The following PCDH15 variants were observed in gnomAD, a reference collection of about 807,000 sequenced individuals.
PCDH15 encodes the protein protocadherin related 15, also known as protocadherin-15.
In PCDH15, 129 loss-of-function variants were observed where a neutral mutation model predicts 178.5. The ratio of observed to expected loss-of-function variants is 0.72; its 90% CI spans 0.63 to 0.84. The LOEUF is 0.84. PCDH15 is among the 40% of genes least tolerant of loss of function. The probability of loss-of-function intolerance (pLI) is 0.00; values close to 1 mark genes in which losing one functional copy is unlikely to be tolerated. For synonymous variants in PCDH15, 800 were observed against 732.0 expected (o/e 1.09, Z -1.50); for missense variants, 2,230 against 2,099.9 (o/e 1.06, Z -1.21).
At chr10:54,584,173 A>G (rs75278128) in intron 2 of PCDH15, among the ~76,000 whole-genome samples, 15,850 of 152,148 alleles carry the variant, frequency 0.1, 1,124 homozygotes, top group Non-Finnish European at 0.17. Flanking sequence ...ACTTGAGCTC[A>G]GGAATTTGAG....
intron 13 of PCDH15, among the ~76,000 whole-genome samples, chr10:54,174,879 A>G (rs1472284931): frequency 6.6e-6 from 1 of 151,862 alleles, no homozygotes; most frequent in Non-Finnish European, 1.5e-5. Flanking sequence ...CTGATAGTGT[A>G]ATCAAACTTG....
chr10:55,200,029 C>T (rs551875355), intron 1 of PCDH15, among the ~76,000 whole-genome samples: 11 of 152,026 alleles, frequency 7.2e-5, no homozygotes, highest in South Asian at 2.1e-4. Context: ...ATGTGGGGTT[C>T]GTGTCTCTAC....
intron 21 of PCDH15, among the ~76,000 whole-genome samples, chr10:53,980,089 C>T (rs955519288): frequency 4.7e-5 from 7 of 148,026 alleles, no homozygotes; most frequent in East Asian, 2.0e-4. Flanking sequence ...GGCATCGTGG[C>T]GGGCACCTGT....
intron 15 of PCDH15, among the ~76,000 whole-genome samples, chr10:54,126,578 G>A (rs1020370394): frequency 2.0e-5 from 3 of 151,894 alleles, no homozygotes; most frequent in African/African-American, 7.3e-5. Flanking sequence ...CTTTGACATG[G>A]TTAAATGTAT....
intron 25 of PCDH15, among the ~76,000 whole-genome samples, chr10:53,931,213 C>G (rs1182314398): frequency 1.3e-5 from 2 of 152,186 alleles, no homozygotes; most frequent in African/African-American, 4.8e-5. Context: ...AAACAGTGTA[C>G]TGTCTCCATC....
chr10:55,288,870 G>GATATATATATATATAT (rs143549237), intron 1 of PCDH15, among the ~76,000 whole-genome samples: 16 of 146,252 alleles, frequency 1.1e-4, no homozygotes, highest in African/African-American at 3.3e-4. Context: ...AATTCTATTA[G>GATATATATATATATAT]ATATATATAT....
At chr10:54,655,300 G>GAGAGAGAGAGAGAGAGAGAC (rs1158121522) in intron 2 of PCDH15, among the ~76,000 whole-genome samples, 4 of 111,314 alleles carry the variant, frequency 3.6e-5, no homozygotes, top group South Asian at 3.3e-4. Flanking sequence ...GAGAGAGAGA[G>GAGAGAGAGAGAGAGAGAGAC]AGACAGAGAG....
At chr10:55,024,020 T>A (rs1411706762) in intron 2 of PCDH15, among the ~76,000 whole-genome samples, 1 of 148,292 alleles carries the variant, frequency 6.7e-6, no homozygotes, top group East Asian at 2.0e-4. Flanking sequence ...TTTTTATATA[T>A]GTATATATAA....
chr10:55,579,769 T>C (rs1842568991), intron 2 of PCDH15, among the ~76,000 whole-genome samples: 1 of 152,220 alleles, frequency 6.6e-6, no homozygotes, highest in African/African-American at 2.4e-5. Flanking sequence ...TATTCATCCA[T>C]TCACTCATAG....
chr10:54,457,722 CAT>C (rs1266497569), intron 3 of PCDH15, among the ~76,000 whole-genome samples: 34 of 152,060 alleles, frequency 2.2e-4, no homozygotes, highest in Middle Eastern at 6.8e-3. Context: ...AATGATAAAT[CAT>C]AGTCATAAGC....
At chr10:54,336,224 T>C (rs959467800) in intron 6 of PCDH15, among the ~76,000 whole-genome samples, 2 of 152,116 alleles carry the variant, frequency 1.3e-5, no homozygotes, top group Non-Finnish European at 2.9e-5. Flanking sequence ...TTCAGAAAAT[T>C]TGCAGCCTGA....
chr10:54,494,390 C>A (rs943980332), intron 3 of PCDH15, among the ~76,000 whole-genome samples: 15 of 152,082 alleles, frequency 9.9e-5, no homozygotes, highest in African/African-American at 3.6e-4. Context: ...TCCAAATTCA[C>A]ATTGTTGCCT....
intron 3 of PCDH15, among the ~76,000 whole-genome samples, chr10:54,890,678 C>T (rs1229304945): frequency 6.6e-6 from 1 of 151,974 alleles, no homozygotes; most frequent in East Asian, 1.9e-4. Flanking sequence ...TAGAGTATAA[C>T]ACATCACTTG....
At chr10:54,962,368 G>C (rs1838678514) in intron 2 of PCDH15, among the ~76,000 whole-genome samples, 1 of 152,186 alleles carries the variant, frequency 6.6e-6, no homozygotes, top group South Asian at 2.1e-4. Flanking sequence ...CAGGGTGGTG[G>C]GACTGAAAGA....
chr10:54,656,953 T>G (rs1336029102), intron 2 of PCDH15, among the ~76,000 whole-genome samples: 1 of 152,164 alleles, frequency 6.6e-6, no homozygotes, highest in Non-Finnish European at 1.5e-5. Flanking sequence ...TCCAGTGGTT[T>G]TCACAACAGC....
chr10:55,234,877 TTTA>T (rs1180892055), intron 1 of PCDH15, among the ~76,000 whole-genome samples: 1 of 151,304 alleles, frequency 6.6e-6, no homozygotes, highest in East Asian at 1.9e-4. Flanking sequence ...ATATATTATT[TTTA>T]TTATCACAGC....
chr10:54,043,163 A>G (rs1214524757), intron 18 of PCDH15, among the ~76,000 whole-genome samples: 1 of 152,122 alleles, frequency 6.6e-6, no homozygotes, highest in Non-Finnish European at 1.5e-5. Flanking sequence ...TTATCGGTGA[A>G]CATTAATTCA....
chr10:55,253,613 T>TC (rs961743321), intron 1 of PCDH15, among the ~76,000 whole-genome samples: 2 of 151,958 alleles, frequency 1.3e-5, no homozygotes, highest in Non-Finnish European at 2.9e-5. Flanking sequence ...TAAGTTTTTT[T>TC]TTTCTTTTTT....
chr10:54,229,210 A>G (rs2053795493), intron 9 of PCDH15, among the ~76,000 whole-genome samples: 1 of 152,180 alleles, frequency 6.6e-6, no homozygotes, highest in African/African-American at 2.4e-5. Flanking sequence ...GTGGAGATCC[A>G]GGCAGACCGG....
Sources: allele counts gnomAD v4.1 joint callset (sites outside exome capture counted in the v4.1 genomes callset), GRCh38; gene constraint gnomAD v4.1.1; transcripts MANE v1.5; gene names NCBI Gene and HGNC (gene_info 2026-07-23, HGNC 2026-07-21).